The following UNC13B variants were observed in gnomAD, a reference collection of about 807,000 sequenced individuals.
The protein encoded by UNC13B is unc-13 homolog B, also known as protein unc-13 homolog B.
Under a neutral mutation model 211.0 loss-of-function variants are expected in UNC13B, and 144 were observed. The observed-to-expected ratio is 0.68, with a 90% CI of 0.60 to 0.78. The LOEUF is 0.78. Among genes scored for constraint, UNC13B ranks in the 30% least tolerant of loss-of-function variants. The pLI is 0.00. For missense variants in UNC13B, 1,777 were observed against 2,002.0 expected (o/e 0.89, Z 2.14); for synonymous variants, 709 against 725.8 (o/e 0.98, Z 0.37).
chr9:35,285,146 A>AT (rs1372064902), intron 7 of UNC13B, among the ~76,000 whole-genome samples: 1 of 152,052 alleles, frequency 6.6e-6, no homozygotes. Flanking sequence ...AACTGCTAGA[A>AT]TTTTTTCACT....
At chr9:35,260,059 A>AAC in intron 7 of UNC13B, among the ~76,000 whole-genome samples, 1 of 150,032 alleles carries the variant, frequency 6.7e-6, no homozygotes, top group East Asian at 1.9e-4. Flanking sequence ...AAAAAAAAAA[A>AAC]AAAAACCAAG....
Position 35,307,894 on chromosome 9 carries a change from TG to T in UNC13B, c.8491del (p.Asp2831IlefsTer4), listed in dbSNP as rs1830004597. 5.0e-6 allele frequency: 2 copies of T among 398,822 alleles called. No homozygotes were observed. Among genetic ancestry groups the T allele is most frequent in the Non-Finnish European group, 8.8e-6 (2 of 226,070 alleles). 24.7% of individuals were successfully genotyped at this position (398,822 alleles called of 1,614,324 possible). A position where few individuals can be genotyped will look rare whatever the true frequency, so the allele number is the denominator to read the frequency against. Reference sequence around the variant, plus strand: ...AGGGGAAAGGGAGTGTATTAGCAAGTGATTCAAAACTAGGATTTGGAAAGGT... The same window carrying T: ...AGGGGAAAGGGAGTGTATTAGCAAGTATTCAAAACTAGGATTTGGAAAGGT... ...SEGKGSVLAS[D>X]SKLGFGKVDL... On this transcript the variant is annotated frameshift_variant, in exon 9 of 40. Transcript: ENST00000635942. LOFTEE classifies it high-confidence loss of function.
chr9:35,349,037 C>A (rs1002386422), intron 11 of UNC13B, among the ~76,000 whole-genome samples: 3 of 152,076 alleles, frequency 2.0e-5, no homozygotes, highest in African/African-American at 7.2e-5. Context: ...CTTGCCTCAG[C>A]CTCCCGAGTA....
At chr9:35,400,976 G>GTTTATGC (rs991526405) in intron 37 of UNC13B, among the ~76,000 whole-genome samples, 2 of 152,162 alleles carry the variant, frequency 1.3e-5, no homozygotes, top group Non-Finnish European at 2.9e-5. Context: ...CAGGGGTGCT[G>GTTTATGC]TTTATGCACA....
chr9:35,312,914 T>G (rs976663538), intron 10 of UNC13B, among the ~76,000 whole-genome samples: 3 of 152,192 alleles, frequency 2.0e-5, no homozygotes, highest in Admixed American at 6.5e-5. Context: ...AAGGGCTGTG[T>G]GTTTTTTTTC....
At chr9:35,353,823 A>ACTATTTAACAGGGTCC in intron 11 of UNC13B, 1 of 1,226,338 alleles carries the variant, frequency 8.2e-7, no homozygotes, top group Non-Finnish European at 1.0e-6. Context: ...ATTCTGAGTC[A>ACTATTTAACAGGGTCC]CTATTTAACA....
rs753965133 is a variant in UNC13B at position 35,228,000 on chromosome 9, T to C, written c.23-15T>C. The C allele has an allele frequency of 6.2e-7, 1 of 1,611,220 alleles. No individual in the cohort carries two copies. The highest frequency in any genetic ancestry group is 8.5e-7 in the Non-Finnish European group (1 of 1,178,628). ...TGGAAACATTCTTCATGGTATCCTC[T>C]TTTTTCTCTTGCAGTTAAAAGGGCC... On this transcript the variant is annotated splice_polypyrimidine_tract_variant and intron_variant, in intron 1 of 39. Transcript: ENST00000635942.
In UNC13B at chr9:35,305,897, C is replaced by T. The variant is rs533293541; in HGVS notation, c.6493C>T (p.Leu2165Phe). 1.3e-5 allele frequency: 5 copies of T among 399,022 alleles called. No individual in the cohort carries two copies. Among genetic ancestry groups the T allele is most frequent in the East Asian group, 1.1e-4 (3 of 28,076 alleles). The allele number at this position is 399,022 out of a possible 1,614,324, so 24.7% of individuals were successfully genotyped here. Residue 2165 changes from leucine (L) to phenylalanine (F), a missense_variant, in exon 9 of 40, where the codon CTC becomes TTC. Transcript: ENST00000635942. Reference sequence around the variant, plus strand: ...AACCAAAAAGAGTATATTTTCTTTTCTCACTGGATCTGAAAAATCTGAGAA... The same window carrying T: ...AACCAAAAAGAGTATATTTTCTTTTTTCACTGGATCTGAAAAATCTGAGAA... Reference protein sequence around the residue: ...LSTKKSIFSFLTGSEKSENRA... With the variant: ...LSTKKSIFSFFTGSEKSENRA...
chr9:35,383,506 A>T (rs1381753827), intron 21 of UNC13B, among the ~76,000 whole-genome samples: 2 of 152,198 alleles, frequency 1.3e-5, no homozygotes, highest in Non-Finnish European at 2.9e-5. Flanking sequence ...TTATTAAGCC[A>T]GTCAAATATT....
intron 11 of UNC13B, among the ~76,000 whole-genome samples, chr9:35,357,226 C>T (rs181827851): frequency 4.6e-5 from 7 of 152,270 alleles, no homozygotes; most frequent in African/African-American, 1.7e-4. Context: ...AATTTCTCTA[C>T]ATCCTTGGCA....
chr9:35,279,939 C>G (rs942229368), intron 7 of UNC13B, among the ~76,000 whole-genome samples: 6 of 152,074 alleles, frequency 3.9e-5, no homozygotes, highest in Non-Finnish European at 7.4e-5. Context: ...TGCTTGCCTG[C>G]TTATCCTGTC....
At chr9:35,203,992 G>A (rs1183355300) in intron 1 of UNC13B, among the ~76,000 whole-genome samples, 1 of 152,242 alleles carries the variant, frequency 6.6e-6, no homozygotes, top group Non-Finnish European at 1.5e-5. Flanking sequence ...TAGGAAGGAA[G>A]AATGATTTTC....
At chr9:35,293,388 C>T (rs1459934108) in intron 7 of UNC13B, among the ~76,000 whole-genome samples, 2 of 152,178 alleles carry the variant, frequency 1.3e-5, no homozygotes, top group African/African-American at 2.4e-5. Flanking sequence ...GGCTGAGCTG[C>T]CCTCTCTGGC....
intron 11 of UNC13B, among the ~76,000 whole-genome samples, chr9:35,314,635 A>G (rs1830352521): frequency 6.6e-6 from 1 of 151,972 alleles, no homozygotes; most frequent in South Asian, 2.1e-4. Flanking sequence ...CTTTGGGTGT[A>G]GCCATCATCT....
intron 11 of UNC13B, among the ~76,000 whole-genome samples, chr9:35,364,924 C>G (rs1395359518): frequency 6.6e-6 from 1 of 152,200 alleles, no homozygotes; most frequent in East Asian, 1.9e-4. Context: ...CATTTTCTAC[C>G]TGTTGCTGCA....
intron 11 of UNC13B, among the ~76,000 whole-genome samples, chr9:35,318,111 T>G (rs1252428617): frequency 6.6e-6 from 1 of 152,118 alleles, no homozygotes; most frequent in Non-Finnish European, 1.5e-5. Context: ...AAGCTTGGAA[T>G]CATACAGACA....
chr9:35,162,700 G>A (rs1285507751), intron 1 of UNC13B, among the ~76,000 whole-genome samples: 2 of 152,112 alleles, frequency 1.3e-5, no homozygotes, highest in Non-Finnish European at 1.5e-5. Context: ...CTTAGTAGCA[G>A]GTTCTTTTTA....
intron 5 of UNC13B, among the ~76,000 whole-genome samples, chr9:35,241,557 GCACACACACACACACACACACA>G (rs3067420): frequency 2.1e-5 from 3 of 144,948 alleles, no homozygotes; most frequent in Non-Finnish European, 4.6e-5. Flanking sequence ...CTGAATATAA[GCACACACACACACACACACACA>G]CACACACACA....
At chr9:35,401,201 C>G (rs1044940791) in intron 37 of UNC13B, among the ~76,000 whole-genome samples, 2 of 152,096 alleles carry the variant, frequency 1.3e-5, no homozygotes, top group Non-Finnish European at 2.9e-5. Context: ...GGGGAGTGAA[C>G]CTGGTGGGGG....
Sources: allele counts gnomAD v4.1 joint callset (sites outside exome capture counted in the v4.1 genomes callset), GRCh38; gene constraint gnomAD v4.1.1; transcripts MANE v1.5; gene names NCBI Gene and HGNC (gene_info 2026-07-23, HGNC 2026-07-21).